LIPI: variants seen among roughly 807,000 people sequenced by gnomAD.
LIPI encodes the protein lipase member I.
LIPI carries 59 observed loss-of-function variants against 50.6 expected under a neutral mutation model. The observed-to-expected ratio is 1.16, with a 90% confidence interval of 0.94 to 1.45. LIPI has a LOEUF of 1.45. Among genes scored for constraint, LIPI ranks in the 40% most tolerant of loss-of-function variants. LIPI has a pLI of 0.00. For synonymous variants in LIPI, 203 were observed against 178.2 expected, an observed-to-expected ratio of 1.14 and a Z score of -1.11; for missense variants, 586 against 536.3, an observed-to-expected ratio of 1.09 and a Z score of -0.92.
chr21:14,133,431 C>A (rs959377347), intron 9 of LIPI, among the ~76,000 whole-genome samples: 6 of 152,276 alleles, frequency 3.9e-5, no homozygotes, highest in Admixed American at 1.3e-4. Context: ...CACATCTTTT[C>A]ACGAGAAAAA....
At chr21:14,209,996 A>G (rs955353018) in intron 1 of LIPI, among the ~76,000 whole-genome samples, 1 of 152,018 alleles carries the variant, frequency 6.6e-6, no homozygotes, top group African/African-American at 2.4e-5. Context: ...TCAAATAGCC[A>G]ATTGAAAACA....
chr21:14,137,857 G>A (rs968334856), intron 9 of LIPI, among the ~76,000 whole-genome samples: 16 of 152,102 alleles, frequency 1.1e-4, no homozygotes, highest in Non-Finnish European at 1.9e-4. Context: ...GGACCTAAGA[G>A]CAGCAAAAGA....
chr21:14,191,405 T>C (rs1600923899), intron 1 of LIPI, among the ~76,000 whole-genome samples: 1 of 144,922 alleles, frequency 6.9e-6, no homozygotes. Context: ...AAAATGGAAA[T>C]ATATAAAGTA....
intron 7 of LIPI, among the ~76,000 whole-genome samples, chr21:14,153,657 G>A (rs960932782): frequency 1.3e-5 from 2 of 152,116 alleles, no homozygotes; most frequent in African/African-American, 4.8e-5. Context: ...GGACCCCTCT[G>A]GGACTTCAGA....
At chr21:14,196,268 T>C (rs2019848917) in intron 1 of LIPI, among the ~76,000 whole-genome samples, 1 of 151,896 alleles carries the variant, frequency 6.6e-6, no homozygotes, top group Non-Finnish European at 1.5e-5. Context: ...TGCAAAAACT[T>C]TGATGAATCA....
At chr21:14,164,083 A>G (rs1338827215) in intron 6 of LIPI, among the ~76,000 whole-genome samples, 1 of 150,596 alleles carries the variant, frequency 6.6e-6, no homozygotes, top group Non-Finnish European at 1.5e-5. Flanking sequence ...TATATATAAT[A>G]TGTTGATATA....
In LIPI at chr21:14,181,753, GT is replaced by G; in HGVS notation, c.643+4del. The G allele has an allele frequency of 6.5e-7, 1 of 1,530,920 alleles. No individual in the cohort carries two copies. The highest frequency in any genetic ancestry group is 9.1e-7 in the Non-Finnish European group (1 of 1,104,944). The allele number at this position is 1,530,920 out of a possible 1,614,324, so 94.8% of individuals were successfully genotyped here. On this transcript the variant is annotated splice_donor_region_variant and intron_variant, in intron 4 of 9. Transcript: ENST00000681601. ...ATAATTAGGTAATAAATCCTGATTT[GT>G]TACCATTGGAGTCAGAATGGATGAC...
At chr21:14,206,395 CTGAGA>C (rs1483377003) in intron 1 of LIPI, among the ~76,000 whole-genome samples, 2 of 152,098 alleles carry the variant, frequency 1.3e-5, no homozygotes, top group Non-Finnish European at 1.5e-5. Context: ...GGGCAAGCTG[CTGAGA>C]TAAGTTTGTC....
rs773585154 is a variant in LIPI, at chr21:14,163,487, T to C, written c.938A>G (p.Glu313Gly). The C allele has an allele frequency of 4.7e-5, 75 of 1,589,222 alleles. No individual in the cohort carries two copies. The highest frequency in any genetic ancestry group is 6.1e-5 in the Non-Finnish European group (71 of 1,157,700). ...CCTAAGAGGTCTTCCTTCCATCCTT[T>C]CTTTTAAAACACCTTTAAATAGCTT... ...QAKLFKGVLKERMEGRPLRTT... is the reference protein window; with the variant it reads ...QAKLFKGVLKGRMEGRPLRTT... Residue 313 changes from glutamate to glycine, a missense_variant, in exon 7 of 10, where the codon GAA (glutamate) becomes GGA (glycine). By Grantham distance (98) the Glu-to-Gly change is moderately conservative. Coordinates refer to ENST00000681601, the MANE Select transcript of LIPI (RefSeq NM_001302998.2).
chr21:14,203,237 G>A (rs547604635), intron 1 of LIPI, among the ~76,000 whole-genome samples: 3,733 of 152,060 alleles, frequency 0.025, 147 homozygotes, highest in African/African-American at 0.084. Flanking sequence ...CTGTTGGTGG[G>A]ACTGTAAACT....
intron 2 of LIPI, 115 bp downstream of exon 2, chr21:14,188,919 G>A: frequency 1.1e-6 from 1 of 921,306 alleles, no homozygotes; most frequent in Non-Finnish European, 1.7e-6. Flanking sequence ...ATGCTTATGG[G>A]GAAAAGTATA....
At chr21:14,178,724 A>G (rs1438100274) in intron 4 of LIPI, among the ~76,000 whole-genome samples, 1 of 152,148 alleles carries the variant, frequency 6.6e-6, no homozygotes, top group Non-Finnish European at 1.5e-5. Flanking sequence ...GGTGTTGTCT[A>G]TTGACTGTTG....
intron 9 of LIPI, among the ~76,000 whole-genome samples, chr21:14,142,125 T>C (rs915104926): frequency 6.6e-6 from 1 of 152,118 alleles, no homozygotes; most frequent in Non-Finnish European, 1.5e-5. Context: ...TCTATTCTTA[T>C]GTTTAGTGGA....
intron 4 of LIPI, among the ~76,000 whole-genome samples, chr21:14,181,077 T>C (rs2019253614): frequency 6.6e-6 from 1 of 152,190 alleles, no homozygotes; most frequent in Non-Finnish European, 1.5e-5. Flanking sequence ...AGTTGTTATC[T>C]ATCTAACGGA....
intron 1 of LIPI, among the ~76,000 whole-genome samples, chr21:14,202,208 C>G (rs2020079408): frequency 6.6e-6 from 1 of 152,198 alleles, no homozygotes. Context: ...GAAGAATATT[C>G]CATGCTCATG....
At chr21:14,145,456 T>C (rs560074154) in intron 8 of LIPI, among the ~76,000 whole-genome samples, 5 of 152,246 alleles carry the variant, frequency 3.3e-5, no homozygotes, top group Admixed American at 6.5e-5. Flanking sequence ...CATCCCTATG[T>C]GCCAGAAATG....
chr21:14,199,428 G>A (rs371369968), intron 1 of LIPI, among the ~76,000 whole-genome samples: 3 of 151,820 alleles, frequency 2.0e-5, no homozygotes, highest in East Asian at 3.9e-4. Flanking sequence ...TTAACCCACA[G>A]AAACACAACC....
Position 14,187,233 on chromosome 21 carries a change from T to G in LIPI, c.433-1164A>C, listed in dbSNP as rs556940401. 7.9e-5 allele frequency among the ~76,000 whole-genome samples: 12 copies of G among 152,254 alleles called. No individual in the cohort carries two copies. The East Asian group carries it at 1.9e-3, about 25-fold the overall frequency. On this transcript the variant is annotated intron_variant, in intron 2 of 9. Transcript: ENST00000681601. ...GCTCCAGGAAGGGAAATTAGAAGAC[T>G]ACATGAGAGTGTACTTCCACCACAC...
intron 9 of LIPI, among the ~76,000 whole-genome samples, chr21:14,114,127 A>G (rs2016524300): frequency 6.6e-6 from 1 of 151,852 alleles, no homozygotes; most frequent in African/African-American, 2.4e-5. Context: ...GCAGCAAGCC[A>G]AGATCATGCC....
Sources: allele counts gnomAD v4.1 joint callset (sites outside exome capture counted in the v4.1 genomes callset), GRCh38; gene constraint gnomAD v4.1.1; transcripts MANE v1.5; gene names NCBI Gene and HGNC (gene_info 2026-07-23, HGNC 2026-07-21).